SLC8A1: variants seen among roughly 807,000 people sequenced by gnomAD.
The protein encoded by SLC8A1 is solute carrier family 8 member A1, also known as sodium/calcium exchanger 1.
SLC8A1 carries 18 observed loss-of-function variants against 68.3 expected under a neutral mutation model. The ratio of observed to expected loss-of-function variants is 0.26; its 90% CI spans 0.18 to 0.39. The LOEUF (loss-of-function observed/expected upper bound fraction) is 0.39, where lower values mean the gene tolerates loss of function less well. Among genes scored for constraint, SLC8A1 ranks in the 10% least tolerant of loss-of-function variants. The probability of loss-of-function intolerance (pLI) is 1.00; values close to 1 mark genes in which losing one functional copy is unlikely to be tolerated. For synonymous variants in SLC8A1, 475 were observed against 415.5 expected, an observed-to-expected ratio of 1.14 and a Z score of -1.74; for missense variants, 985 against 1,156.7, an observed-to-expected ratio of 0.85 and a Z score of 2.15.
intron 2 of SLC8A1, among the ~76,000 whole-genome samples, chr2:40,289,381 C>T (rs990206735): frequency 6.6e-6 from 1 of 152,102 alleles, no homozygotes; most frequent in Non-Finnish European, 1.5e-5. Flanking sequence ...TGTGATTTCA[C>T]ATTTGGGAGT....
intron 1 of SLC8A1, among the ~76,000 whole-genome samples, chr2:40,431,903 C>T (rs998842554): frequency 2.6e-5 from 4 of 152,068 alleles, no homozygotes; most frequent in African/African-American, 7.2e-5. Flanking sequence ...TAGACTAAAG[C>T]CCTTTATAGC....
chr2:40,392,838 G>A (rs541479800), intron 2 of SLC8A1, among the ~76,000 whole-genome samples: 23 of 152,052 alleles, frequency 1.5e-4, no homozygotes, highest in Non-Finnish European at 8.8e-5. Flanking sequence ...TAATGTTTAC[G>A]TTAAAGTGGG....
At chr2:40,463,824 A>C (rs567347051) in intron 1 of SLC8A1, among the ~76,000 whole-genome samples, 161 of 140,624 alleles carry the variant, frequency 1.1e-3, no homozygotes, top group Non-Finnish European at 1.9e-3. Flanking sequence ...GGATATATAC[A>C]TACACACACA....
chr2:40,111,493 T>G (rs1314131245), exon 8 of SLC8A1: 1 of 152,134 alleles, frequency 6.6e-6, no homozygotes, highest in African/African-American at 2.4e-5. Context: ...AAGAAAATTT[T>G]AAAGATGATC....
At chr2:40,177,639 G>C (rs1358268849) in intron 3 of SLC8A1, 1 of 643,794 alleles carries the variant, frequency 1.6e-6, no homozygotes, top group African/African-American at 1.8e-5. Flanking sequence ...CAAAGGCAAT[G>C]AAGTATAGTA....
At chr2:40,366,179 C>G (rs954371368) in intron 2 of SLC8A1, among the ~76,000 whole-genome samples, 2 of 151,986 alleles carry the variant, frequency 1.3e-5, no homozygotes, top group Admixed American at 6.6e-5. Flanking sequence ...AGGGCACTGT[C>G]AAATGGGCTA....
chr2:40,125,388 GA>G (rs1172343173), intron 7 of SLC8A1, among the ~76,000 whole-genome samples: 1 of 152,062 alleles, frequency 6.6e-6, no homozygotes, highest in East Asian at 1.9e-4. Flanking sequence ...CCACAATATG[GA>G]ACAAGAATCG....
intron 6 of SLC8A1, among the ~76,000 whole-genome samples, chr2:40,142,493 T>C (rs1014254116): frequency 1.1e-4 from 17 of 152,342 alleles, no homozygotes; most frequent in African/African-American, 4.1e-4. Flanking sequence ...ATGAATAAAA[T>C]GCTTTGGAAA....
intron 2 of SLC8A1, among the ~76,000 whole-genome samples, chr2:40,350,056 C>T (rs966827122): frequency 4.6e-5 from 7 of 152,104 alleles, no homozygotes; most frequent in African/African-American, 1.7e-4. Flanking sequence ...CACAGCTTAG[C>T]CACCCTTTTA....
chr2:40,392,066 G>A (rs2149603578), intron 2 of SLC8A1, among the ~76,000 whole-genome samples: 1 of 60,448 alleles, frequency 1.7e-5, no homozygotes, highest in South Asian at 3.5e-4. Context: ...AAGAAGGAAG[G>A]AGAAGGAAGG....
chr2:40,397,619 A>T (rs1297723678), intron 2 of SLC8A1, among the ~76,000 whole-genome samples: 1 of 152,184 alleles, frequency 6.6e-6, no homozygotes, highest in East Asian at 1.9e-4. Flanking sequence ...TCTGAATGCT[A>T]GCTGCATATC....
Position 40,426,082 on chromosome 2 carries a change from G to A in SLC8A1, c.1808+2391C>T, listed in dbSNP as rs780973212. ...TCTGTACAATCAACAGACCTATTTA[G>A]CATCTACAAAGCTTGTCAGTAATAC... is the stretch of plus-strand genomic sequence containing the variant. On this transcript the variant is annotated intron_variant, in intron 2 of 7. Transcript: ENST00000406785. Among the ~76,000 whole-genome samples, 6 of 151,896 alleles carry A rather than the reference G, an allele frequency of 4.0e-5. No individual in the cohort carries two copies. The South Asian group carries it at 6.2e-4, about 16-fold the overall frequency.
intron 1 of SLC8A1, among the ~76,000 whole-genome samples, chr2:40,482,403 T>C (rs978353176): frequency 6.6e-6 from 1 of 152,126 alleles, no homozygotes; most frequent in African/African-American, 2.4e-5. Context: ...AAAAATCTTG[T>C]ATTTGTAAAT....
chr2:40,256,202 C>T (rs996275900), intron 2 of SLC8A1, among the ~76,000 whole-genome samples: 3 of 152,172 alleles, frequency 2.0e-5, no homozygotes, highest in African/African-American at 4.8e-5. Flanking sequence ...GACCTTCCCA[C>T]TCCTAACCAA....
chr2:40,383,869 G>C (rs139072164), intron 2 of SLC8A1, among the ~76,000 whole-genome samples: 4 of 152,196 alleles, frequency 2.6e-5, no homozygotes, highest in Non-Finnish European at 4.4e-5. Context: ...AAATTTTAGA[G>C]ATACAATGTA....
intron 2 of SLC8A1, among the ~76,000 whole-genome samples, chr2:40,330,916 G>A (rs990573627): frequency 5.3e-5 from 8 of 152,002 alleles, no homozygotes; most frequent in African/African-American, 1.9e-4. Context: ...TAATACAATC[G>A]AGTTACCTGC....
At chr2:40,483,277 A>AT (rs1704757277) in intron 1 of SLC8A1, among the ~76,000 whole-genome samples, 1 of 150,788 alleles carries the variant, frequency 6.6e-6, no homozygotes, top group African/African-American at 2.4e-5. Flanking sequence ...ATATGTTAAA[A>AT]AATATATATA....
At chr2:40,289,911 A>C (rs909441703) in intron 2 of SLC8A1, among the ~76,000 whole-genome samples, 3 of 152,060 alleles carry the variant, frequency 2.0e-5, no homozygotes, top group African/African-American at 7.2e-5. Context: ...AGGAGGAAAA[A>C]ATGATGAGAT....
chr2:40,175,719 T>A (rs556993323), intron 3 of SLC8A1, among the ~76,000 whole-genome samples: 1 of 152,126 alleles, frequency 6.6e-6, no homozygotes, highest in East Asian at 1.9e-4. Flanking sequence ...TATGGAAGTC[T>A]TAAATCACCC....
Sources: gnomAD v4.1 joint callset for allele counts (sites outside exome capture counted in the v4.1 genomes callset) on GRCh38, gnomAD v4.1.1 for gene constraint, MANE v1.5 for transcripts, NCBI Gene and HGNC (gene_info 2026-07-23, HGNC 2026-07-21) for gene names.